The following TNRC18 variants were observed in gnomAD, a reference collection of about 807,000 sequenced individuals.
TNRC18 encodes the protein trinucleotide repeat-containing gene 18 protein.
A neutral mutation model predicts 226.7 loss-of-function variants in TNRC18; 69 were observed. That is an observed-to-expected ratio of 0.30 (90% confidence interval 0.25 to 0.37). The LOEUF is 0.37. Ranked by LOEUF, TNRC18 falls within the 10% of genes least tolerant of loss-of-function variation. The pLI is 1.00. For synonymous variants in TNRC18, 2,449 were observed against 1,927.6 expected (o/e 1.27, Z -7.09); for missense variants, 4,754 against 4,256.6 (o/e 1.12, Z -3.25).
rs1235990942 is a variant in TNRC18, at chr7:5,416,066, C to T, written c.187+4994G>A. The stretch of plus-strand genomic sequence containing the variant: ...GGTGGAGGTTGTGGTGAGCCTAGAT[C>T]GTGCCACTGCACTCCAGCCTGGGCG... On this transcript the variant is annotated intron_variant, in intron 2 of 29. Transcript: ENST00000430969. Among the ~76,000 whole-genome samples, 4 of 144,408 alleles carry T rather than the reference C, an allele frequency of 2.8e-5. No homozygotes were observed. In the East Asian group the frequency reaches 6.3e-4, roughly 23 times the overall value. 94.7% of individuals were successfully genotyped at this position (144,408 alleles called of 152,430 possible).
Position 5,324,289 on chromosome 7 carries a change from G to C in TNRC18, c.6367C>G (p.Pro2123Ala), listed in dbSNP as rs760181289. 2 of 1,613,530 alleles carry C rather than the reference G, an allele frequency of 1.2e-6. No homozygotes were observed. Among genetic ancestry groups the C allele is most frequent in the African/African-American group, 1.3e-5 (1 of 75,054 alleles). ...ESMAAEEDFEPNQDSSFSEDE... is the reference protein window; with the variant it reads ...ESMAAEEDFEANQDSSFSEDE... ...TCAGAGAAGCTCGAGTCTTGGTTGG[G>C]TTCAAAGTCCTCCTCGGCTGCCATG... The change falls in exon 21 of 30, where the codon CCC becomes GCC. Residue 2123 changes from proline (P) to alanine (A), a missense_variant. Transcript: ENST00000430969. This position sits in a 1 kb window ranked among gnomAD's most constrained non-coding sequence, Gnocchi z 4.8.
At position 5,308,058 on chromosome 7, in the gene TNRC18, G is replaced by A. The variant is rs768359164; in HGVS notation, c.*48C>T. ...CGCGCCATGGCAGTGATGGAGATGG[G>A]TCCCTGGCCGCCCTCGGGGCACAGG... On this transcript the variant is annotated 3_prime_UTR_variant, in exon 30 of 30. Coordinates refer to ENST00000430969, the MANE Select transcript of TNRC18 (RefSeq NM_001080495.3). The A allele has an allele frequency of 6.6e-6, 10 of 1,512,360 alleles. No individual in the cohort carries two copies. Among genetic ancestry groups the A allele is most frequent in the Middle Eastern group, 2.4e-4 (1 of 4,254 alleles). The allele number at this position is 1,512,360 out of a possible 1,614,324, so 93.7% of individuals were successfully genotyped here. A position where few individuals can be genotyped will look rare whatever the true frequency, so the allele number is the denominator to read the frequency against.
chr7:5,359,173 T>G (rs1792769925), intron 15 of TNRC18, among the ~76,000 whole-genome samples: 1 of 152,324 alleles, frequency 6.6e-6, no homozygotes, highest in South Asian at 2.1e-4. Context: ...GCCTCCTGTC[T>G]CTGAGGCTGT....
rs909556932 is a variant in TNRC18 at position 5,312,888 on chromosome 7, G to A, written c.8003C>T (p.Ser2668Phe). The A allele has an allele frequency of 2.0e-6, 3 of 1,518,552 alleles. No individual in the cohort carries two copies. Among genetic ancestry groups the A allele is most frequent in the East Asian group, 2.4e-5 (1 of 41,506 alleles). 94.1% of individuals were successfully genotyped at this position (1,518,552 alleles called of 1,614,324 possible). ...GTCCTCGTCTGTGGTGGAGGAAGAA[G>A]AGGAGGAAGAGGAGGAGGAGGAGGA... ...SSSSSSSSSS[S>F]SSSTTDEDSS... The change falls in exon 27 of 30, where the codon TCT (serine) becomes TTT (phenylalanine). Residue 2668 changes from serine to phenylalanine, a missense_variant. Ser to Phe is a radical substitution (Grantham distance 155, BLOSUM62 -2). Coordinates refer to ENST00000430969, the MANE Select transcript of TNRC18 (RefSeq NM_001080495.3). The surrounding 1 kb of genome is among the most constrained non-coding windows in gnomAD (Gnocchi z 6.3).
At chr7:5,359,819 G>A (rs368669364) in intron 14 of TNRC18, among the ~76,000 whole-genome samples, 4 of 141,026 alleles carry the variant, frequency 2.8e-5, no homozygotes, top group African/African-American at 7.8e-5. Context: ...GCGCTTTTAC[G>A]CGTACACTCA....
chr7:5,356,388 C>G (rs116508206), intron 16 of TNRC18, among the ~76,000 whole-genome samples: 1 of 152,182 alleles, frequency 6.6e-6, no homozygotes, highest in Non-Finnish European at 1.5e-5. Flanking sequence ...CAATGAACCC[C>G]TGCATCCATA....
At position 5,387,872 on chromosome 7, in the gene TNRC18, A is replaced by G; in HGVS notation, c.1952T>C (p.Leu651Pro). ...GGPAAGGGRQ[L>P]KRDPERPESA... ...CTCGGGCCTCTCGGGGTCCCGCTTC[A>G]GCTGCCGGCCGCCGCCCGCTGCAGG... Residue 651 changes from leucine (L) to proline (P), a missense_variant, in exon 5 of 30, where the codon CTG becomes CCG. Transcript: ENST00000430969. 1 of 1,595,614 alleles carries G rather than the reference A, an allele frequency of 6.3e-7. No individual in the cohort carries two copies. Among genetic ancestry groups the G allele is most frequent in the Non-Finnish European group, 8.5e-7 (1 of 1,173,650 alleles).
intron 16 of TNRC18, among the ~76,000 whole-genome samples, chr7:5,356,266 A>C (rs1338332927): frequency 2.0e-5 from 3 of 151,900 alleles, no homozygotes; most frequent in Admixed American, 2.0e-4. Context: ...TTTAACCCCG[A>C]GTCGCCTCTC....
In TNRC18 at chr7:5,309,573, C is replaced by T. The variant is rs552889273; in HGVS notation, c.8389-205G>A. On this transcript the variant is annotated intron_variant, in intron 27 of 29. Coordinates refer to ENST00000430969, the MANE Select transcript of TNRC18 (RefSeq NM_001080495.3). This position sits in a 1 kb window ranked among gnomAD's most constrained non-coding sequence, Gnocchi z 5.7. ...TTTGACATGCTGGGTCTCCAAGAGGCGCTTCCCTTGATCTAAGCATTCTGC... is the reference window on the plus strand; with the variant it reads ...TTTGACATGCTGGGTCTCCAAGAGGTGCTTCCCTTGATCTAAGCATTCTGC... Among the ~76,000 whole-genome samples, 3 of 152,374 alleles carry T rather than the reference C, an allele frequency of 2.0e-5. No homozygotes were observed. Among genetic ancestry groups the T allele is most frequent in the Admixed American group, 6.5e-5 (1 of 15,312 alleles).
intron 19 of TNRC18, among the ~76,000 whole-genome samples, chr7:5,331,453 T>G (rs1259405626): frequency 6.6e-6 from 1 of 152,116 alleles, no homozygotes; most frequent in Non-Finnish European, 1.5e-5. Flanking sequence ...TTTTCACATT[T>G]TAACCTCTAA....
intron 10 of TNRC18, among the ~76,000 whole-genome samples, chr7:5,372,552 A>G (rs1267543893): frequency 6.6e-5 from 10 of 152,072 alleles, no homozygotes; most frequent in Admixed American, 5.9e-4. Context: ...TAAAAAAAAA[A>G]AAAGAAAAAA....
chr7:5,341,542 T>A (rs1331435545), intron 18 of TNRC18, among the ~76,000 whole-genome samples: 4 of 151,354 alleles, frequency 2.6e-5, no homozygotes, highest in Admixed American at 1.3e-4. Context: ...GGCAGGAGGA[T>A]CATTTGAGGT....
chr7:5,380,571 G>C (rs73055898), intron 5 of TNRC18, among the ~76,000 whole-genome samples: 1 of 152,178 alleles, frequency 6.6e-6, no homozygotes, highest in Non-Finnish European at 1.5e-5. Flanking sequence ...AGCCCGGCAC[G>C]GGGAGAAGCG....
Position 5,389,471 on chromosome 7 carries a change from T to TTTTTTTTTTTTTTCC in TNRC18, c.488-136_488-135insGGAAAAAAAAAAAAA, listed in dbSNP as rs549108764. 38 of 927,098 alleles carry TTTTTTTTTTTTTTCC rather than the reference T, an allele frequency of 4.1e-5. No individual in the cohort carries two copies. In the African/African-American group the frequency reaches 4.4e-4, roughly 11 times the overall value. The allele number at this position is 927,098 out of a possible 1,614,324, so 57.4% of individuals were successfully genotyped here. ...AGTGTTTTGGTTTTGGTTTTTTTTT[T>TTTTTTTTTTTTTTCC]CAGAAAGAGTCTCGCTCTCCTCACC... is the stretch of plus-strand genomic sequence containing the variant. On this transcript the variant is annotated intron_variant, in intron 4 of 29. Coordinates refer to ENST00000430969, the MANE Select transcript of TNRC18 (RefSeq NM_001080495.3).
At chr7:5,336,205 TTA>T (rs1491423849) in intron 18 of TNRC18, among the ~76,000 whole-genome samples, 7 of 148,110 alleles carry the variant, frequency 4.7e-5, no homozygotes, top group African/African-American at 7.5e-5. Context: ...AGACTCTGTT[TTA>T]AAAAAAAAAA....
At chr7:5,345,443 C>T (rs1219209205) in intron 18 of TNRC18, 119 bp downstream of exon 18, 19 of 1,031,514 alleles carry the variant, frequency 1.8e-5, no homozygotes, top group Non-Finnish European at 2.5e-5. Context: ...GGCTGGGGTT[C>T]TGCCCATTCC....
intron 29 of TNRC18, 98 bp from the exon 30 acceptor site, chr7:5,308,410 C>G (rs1328983258): frequency 8.8e-7 from 1 of 1,140,584 alleles, no homozygotes; most frequent in Admixed American, 2.4e-5. Flanking sequence ...CAGAGGGAGC[C>G]CCAGGGACTG....
At chr7:5,420,683 C>T (rs766666252) in intron 2 of TNRC18, 9 of 500,068 alleles carry the variant, frequency 1.8e-5, no homozygotes, top group South Asian at 3.1e-5. Flanking sequence ...AAGATTCGAG[C>T]TCGGGGAGCG....
intron 29 of TNRC18, 107 bp from the exon 30 acceptor site, chr7:5,308,419 T>TGAGACAGAGACCAAGTCA: frequency 9.7e-7 from 1 of 1,028,060 alleles, no homozygotes; most frequent in Non-Finnish European, 1.4e-6. Context: ...CCCCAGGGAC[T>TGAGACAGAGACCAAGTCA]GAGACAGAGA....
Sources: gnomAD v4.1 joint callset for allele counts (sites outside exome capture counted in the v4.1 genomes callset) on GRCh38, gnomAD v4.1.1 for gene constraint, Gnocchi (gnomAD v3.1) non-coding constraint, MANE v1.5 for transcripts, NCBI Gene and HGNC (gene_info 2026-07-23, HGNC 2026-07-21) for gene names.